The following XKR6 variants were observed in gnomAD, a reference collection of about 807,000 sequenced individuals.
The protein encoded by XKR6 is XK-related protein 6.
Under a neutral mutation model 56.7 loss-of-function variants are expected in XKR6, and 22 were observed. That is an observed-to-expected ratio of 0.39 (90% CI 0.28 to 0.55). The LOEUF (loss-of-function observed/expected upper bound fraction) is 0.55. XKR6 is among the 20% of genes least tolerant of loss of function. The probability of loss-of-function intolerance (pLI) is 0.66; values close to 1 mark genes in which losing one functional copy is unlikely to be tolerated. For synonymous variants in XKR6, 524 were observed against 387.8 expected (o/e 1.35, Z -4.13); for missense variants, 852 against 889.0 (o/e 0.96, Z 0.53).
rs970178526 is a variant in XKR6, at chr8:10,907,246, C to A, written c.962-8330G>T. On this transcript the variant is annotated intron_variant, in intron 2 of 2. Transcript: ENST00000416569. Reference sequence around the variant, plus strand: ...GAAAGCCAAAATCTGAGCGATCACACCATCCTCTGGCTGGACAAAAAGCTC... The same window carrying A: ...GAAAGCCAAAATCTGAGCGATCACAACATCCTCTGGCTGGACAAAAAGCTC... 2.0e-5 allele frequency among the ~76,000 whole-genome samples: 3 copies of A among 152,266 alleles called. No individual in the cohort carries two copies. The East Asian group carries it at 5.8e-4, about 29-fold the overall frequency.
intron 1 of XKR6, among the ~76,000 whole-genome samples, chr8:11,013,298 C>T (rs987008288): frequency 1.3e-5 from 2 of 152,178 alleles, no homozygotes; most frequent in African/African-American, 4.8e-5. Flanking sequence ...ATGTGGTTTT[C>T]TAAAGGTTTC....
chr8:10,987,941 C>G (rs985072761), intron 1 of XKR6, among the ~76,000 whole-genome samples: 4 of 152,248 alleles, frequency 2.6e-5, no homozygotes, highest in African/African-American at 9.6e-5. Context: ...TACTCAAGAA[C>G]CACTTTTTTG....
chr8:11,134,652 T>G (rs986328485), intron 1 of XKR6, among the ~76,000 whole-genome samples: 1 of 152,004 alleles, frequency 6.6e-6, no homozygotes, highest in African/African-American at 2.4e-5. Flanking sequence ...TGAGTTGGAG[T>G]GTAAACTGGT....
intron 2 of XKR6, among the ~76,000 whole-genome samples, chr8:10,900,857 C>CTTTTTG (rs1554506419): frequency 8.7e-6 from 1 of 114,372 alleles, no homozygotes; most frequent in African/African-American, 3.5e-5. Context: ...GTGCAATTAC[C>CTTTTTG]TTTTTTTTTT....
intron 1 of XKR6, among the ~76,000 whole-genome samples, chr8:10,981,814 T>C (rs1047860089): frequency 5.9e-5 from 9 of 152,242 alleles, no homozygotes; most frequent in Non-Finnish European, 8.8e-5. Flanking sequence ...CCAGTGGAGG[T>C]GCCACCATTT....
chr8:11,082,120 C>T (rs1797743211), intron 1 of XKR6, among the ~76,000 whole-genome samples: 3 of 152,212 alleles, frequency 2.0e-5, no homozygotes, highest in Admixed American at 2.0e-4. Flanking sequence ...ATGCTGCCGT[C>T]GGGTGAGGAG....
At chr8:10,938,110 G>A (rs921675034) in intron 1 of XKR6, among the ~76,000 whole-genome samples, 6 of 152,338 alleles carry the variant, frequency 3.9e-5, no homozygotes, top group South Asian at 2.1e-4. Context: ...GTGATGCGCC[G>A]TTTTTTAAGC....
intron 1 of XKR6, among the ~76,000 whole-genome samples, chr8:11,147,764 T>A (rs540970000): frequency 6.6e-6 from 1 of 151,808 alleles, no homozygotes; most frequent in African/African-American, 2.4e-5. Flanking sequence ...ACACACCTAA[T>A]AGAAAGGCTG....
At position 11,185,074 on chromosome 8, in the gene XKR6, G is replaced by A. The variant is rs183244124; in HGVS notation, c.764+15502C>T. Among the ~76,000 whole-genome samples the A allele has an allele frequency of 6.6e-4, 101 of 152,172 alleles. 2 individuals are homozygous for A. The South Asian group carries it at 0.019, about 28-fold the overall frequency. The stretch of plus-strand genomic sequence containing the variant: ...AGCTGGGCACATTAGGTTTATTAAC[G>A]CATTTACCTGGTCCCAGTCTAAGGA... On this transcript the variant is annotated intron_variant, in intron 1 of 2. Transcript: ENST00000416569.
chr8:10,953,690 C>G (rs1801795655), intron 1 of XKR6, among the ~76,000 whole-genome samples: 1 of 152,118 alleles, frequency 6.6e-6, no homozygotes, highest in African/African-American at 2.4e-5. Context: ...TTTATTTACC[C>G]CTTTAAGATG....
At chr8:10,925,921 A>G (rs1227843841) in intron 1 of XKR6, among the ~76,000 whole-genome samples, 1 of 152,156 alleles carries the variant, frequency 6.6e-6, no homozygotes, top group Non-Finnish European at 1.5e-5. Context: ...GAGGTTGTGG[A>G]CAGGGCTCAC....
rs1453059400 is a variant in XKR6, at chr8:11,201,650, C to T, written c.-311G>A. Among the ~76,000 whole-genome samples, 1 of 152,170 alleles carries T rather than the reference C, an allele frequency of 6.6e-6. No homozygotes were observed. The highest frequency in any genetic ancestry group is 2.4e-5 in the African/African-American group (1 of 41,440). On this transcript the variant is annotated 5_prime_UTR_variant, in exon 1 of 3. Transcript: ENST00000416569. ...GACCGGGGGGTTCTCCCCGCCAGGG[C>T]TCCCCTTCCCCTCTTCCGTTGACCC... is the stretch of plus-strand genomic sequence containing the variant.
At chr8:11,114,767 G>GTT (rs1799087162) in intron 1 of XKR6, among the ~76,000 whole-genome samples, 1 of 141,606 alleles carries the variant, frequency 7.1e-6, no homozygotes, top group African/African-American at 2.7e-5. Context: ...GTGTGTGTGT[G>GTT]TGTGTGTATG....
intron 2 of XKR6, among the ~76,000 whole-genome samples, chr8:10,918,994 T>G (rs1189918961): frequency 6.6e-6 from 1 of 152,210 alleles, no homozygotes; most frequent in African/African-American, 2.4e-5. Context: ...AAAAGGGACC[T>G]TCTTCAAAAG....
intron 1 of XKR6, among the ~76,000 whole-genome samples, chr8:11,007,445 CCAAA>C (rs1798395408): frequency 6.6e-6 from 1 of 152,134 alleles, no homozygotes; most frequent in African/African-American, 2.4e-5. Flanking sequence ...TGCCTAAAAG[CCAAA>C]ATCATGCCTA....
intron 1 of XKR6, among the ~76,000 whole-genome samples, chr8:11,008,703 C>A (rs1210901370): frequency 6.6e-6 from 1 of 152,156 alleles, no homozygotes; most frequent in Non-Finnish European, 1.5e-5. Context: ...GTGTGAACCA[C>A]CACCCCGGCC....
chr8:10,942,252 C>G (rs1465336378), intron 1 of XKR6, among the ~76,000 whole-genome samples: 1 of 152,198 alleles, frequency 6.6e-6, no homozygotes, highest in African/African-American at 2.4e-5. Context: ...GTACATCCAC[C>G]CACATGGTCA....
chr8:10,899,578 G>T (rs115955489), intron 2 of XKR6, among the ~76,000 whole-genome samples: 1,537 of 152,148 alleles, frequency 0.01, 33 homozygotes, highest in African/African-American at 0.035. Flanking sequence ...TGGTCTTTTC[G>T]GCCTCTCCAC....
intron 1 of XKR6, among the ~76,000 whole-genome samples, chr8:11,103,802 T>C (rs1798575938): frequency 6.6e-6 from 1 of 152,224 alleles, no homozygotes; most frequent in African/African-American, 2.4e-5. Context: ...TCATGTCATA[T>C]TTTAGGCAAA....
Sources: allele counts gnomAD v4.1 joint callset (sites outside exome capture counted in the v4.1 genomes callset), GRCh38; gene constraint gnomAD v4.1.1; transcripts MANE v1.5; gene names NCBI Gene and HGNC (gene_info 2026-07-23, HGNC 2026-07-21).